The following RLBP1 variants were observed in gnomAD, a reference collection of about 807,000 sequenced individuals.
RLBP1 encodes retinaldehyde-binding protein 1.
In RLBP1, 26 loss-of-function variants were observed where a neutral mutation model predicts 36.2. That is an observed-to-expected ratio of 0.72 (90% CI 0.53 to 1.00). RLBP1 has a LOEUF of 1.00. Ranked by LOEUF, RLBP1 falls within the 50% of genes least tolerant of loss-of-function variation. RLBP1 has a pLI of 0.00. For missense variants in RLBP1, 410 were observed against 402.4 expected (o/e 1.02, Z -0.16); for synonymous variants, 155 against 156.2 (o/e 0.99, Z 0.06).
Position 89,211,749 on chromosome 15 carries a change from C to A in RLBP1, c.678G>T (p.Met226Ile), listed in dbSNP as rs1398137944. 2 of 1,613,764 alleles carry A rather than the reference C, an allele frequency of 1.2e-6. No individual in the cohort carries two copies. Among genetic ancestry groups the A allele is most frequent in the Non-Finnish European group, 1.7e-6 (2 of 1,180,016 alleles). ...RTSDLRKMVD[M>I]LQDSFPARFK... is the part of the protein sequence containing the mutation. Reference sequence around the variant, plus strand: ...ACAGAACTCTAAGCCTCACCTGGAGCATGTCCACCATCTTCCTGAGATCTG... The same window carrying A: ...ACAGAACTCTAAGCCTCACCTGGAGAATGTCCACCATCTTCCTGAGATCTG... The change falls in exon 7 of 9, where the codon ATG becomes ATT. Residue 226 changes from methionine (M) to isoleucine (I), a missense_variant. By Grantham distance (10) the Met-to-Ile change is conservative. Transcript: ENST00000268125. The surrounding 1 kb of genome is among the most constrained non-coding windows in gnomAD (Gnocchi z 5.8).
chr15:89,218,457 GA>G lies in RLBP1; in HGVS notation c.141+107del, dbSNP rs1033114778. The G allele has an allele frequency of 8.6e-6, 13 of 1,503,324 alleles. No individual in the cohort carries two copies. In the African/African-American group the frequency reaches 1.6e-4, roughly 19 times the overall value. The allele number at this position is 1,503,324 out of a possible 1,614,324, so 93.1% of individuals were successfully genotyped here. A position where few individuals can be genotyped will look rare whatever the true frequency, so the allele number is the denominator to read the frequency against. On this transcript the variant is annotated intron_variant, in intron 4 of 8. Transcript: ENST00000268125. The surrounding 1 kb of genome is among the most constrained non-coding windows in gnomAD (Gnocchi z 4.6). ...CCGGCCAGTCTATCAGGTCCAGGAT[GA>G]TCTGGAGTGCCGAGGCTGGACCCTT...
chr15:89,217,820 G>A (rs1567124129), intron 4 of RLBP1, among the ~76,000 whole-genome samples: 1 of 152,072 alleles, frequency 6.6e-6, no homozygotes. Context: ...TCAAAAACAC[G>A]GCTCTCTGGC....
chr15:89,212,952 CG>C (rs1467952225), intron 6 of RLBP1, among the ~76,000 whole-genome samples: 17 of 152,014 alleles, frequency 1.1e-4, no homozygotes, highest in African/African-American at 4.1e-4. Flanking sequence ...AGGCTGGACT[CG>C]AACTCCTGAC....
In RLBP1 at chr15:89,211,008, G is replaced by A. The variant is rs893287831; in HGVS notation, c.685-199C>T. Among the ~76,000 whole-genome samples the A allele has an allele frequency of 2.6e-5, 4 of 152,294 alleles. No homozygotes were observed. The highest frequency in any genetic ancestry group is 4.4e-5 in the Non-Finnish European group (3 of 68,028). ...TGGCTCACTGTGGCCCAGACTGCAC[G>A]GAGGAAGCCCCAAGATTCATAAGAC... On this transcript the variant is annotated intron_variant, in intron 7 of 8. Coordinates refer to ENST00000268125, the MANE Select transcript of RLBP1 (RefSeq NM_000326.5). This position sits in a 1 kb window ranked among gnomAD's most constrained non-coding sequence, Gnocchi z 5.8.
chr15:89,216,809 G>A (rs929822334), intron 5 of RLBP1, among the ~76,000 whole-genome samples: 3 of 152,190 alleles, frequency 2.0e-5, no homozygotes, highest in Non-Finnish European at 4.4e-5. Context: ...TTCTCATGGT[G>A]GGGGTCTGGA....
intron 5 of RLBP1, among the ~76,000 whole-genome samples, chr15:89,216,562 TC>T (rs1452753383): frequency 6.6e-6 from 1 of 152,202 alleles, no homozygotes; most frequent in Non-Finnish European, 1.5e-5. Flanking sequence ...CTTCAGATGA[TC>T]TGCCCGCCTT....
chr15:89,216,542 A>G (rs1383768645), intron 5 of RLBP1, among the ~76,000 whole-genome samples: 2 of 152,114 alleles, frequency 1.3e-5, no homozygotes, highest in African/African-American at 4.8e-5. Context: ...GGCTGGTCTC[A>G]AACCCCCGAC....
In RLBP1 at chr15:89,214,564, A is replaced by G. The variant is rs1185084255; in HGVS notation, c.525+496T>C. On this transcript the variant is annotated intron_variant, in intron 6 of 8. Coordinates refer to ENST00000268125, the MANE Select transcript of RLBP1 (RefSeq NM_000326.5). The surrounding 1 kb of genome is among the most constrained non-coding windows in gnomAD (Gnocchi z 4.6). ...GCGCATGCCAAAGTTCTCCCAAGAC[A>G]AACCCTAATTCCCCAACTTGGGGCA... Among the ~76,000 whole-genome samples the G allele has an allele frequency of 1.3e-5, 2 of 152,230 alleles. No homozygotes were observed. The highest frequency in any genetic ancestry group is 6.5e-5 in the Admixed American group (1 of 15,284).
chr15:89,211,820 T>A lies in RLBP1; in HGVS notation c.607A>T (p.Asn203Tyr), dbSNP rs774195998. The change falls in exon 7 of 9, where the codon AAC becomes TAC. Residue 203 changes from asparagine to tyrosine, a missense_variant. Asn to Tyr is a moderately radical substitution (Grantham distance 143). Coordinates refer to ENST00000268125, the MANE Select transcript of RLBP1 (RefSeq NM_000326.5). This position sits in a 1 kb window ranked among gnomAD's most constrained non-coding sequence, Gnocchi z 5.8. ...TQINGFCIIE[N>Y]FKGFTMQQAA... Reference sequence around the variant, plus strand: ...TGCTGCATGGTAAAGCCCTTGAAGTTCTCAATGATGCAGAAGCCATTGATT... The same window carrying A: ...TGCTGCATGGTAAAGCCCTTGAAGTACTCAATGATGCAGAAGCCATTGATT... The A allele has an allele frequency of 6.2e-7, 1 of 1,614,184 alleles. No homozygotes were observed. Among genetic ancestry groups the A allele is most frequent in the South Asian group, 1.1e-5 (1 of 91,090 alleles).
rs984816764 is a variant in RLBP1 at position 89,210,851 on chromosome 15, G to A, written c.685-42C>T. ...ATACCCCGTTCCCCATGGCCCCAGT[G>A]ACCTCAGAGGCTCCCACTCATTCCC... On this transcript the variant is annotated intron_variant, in intron 7 of 8. Coordinates refer to ENST00000268125, the MANE Select transcript of RLBP1 (RefSeq NM_000326.5). The surrounding 1 kb of genome is among the most constrained non-coding windows in gnomAD (Gnocchi z 4.7). 1.5e-6 allele frequency: 2 copies of A among 1,343,472 alleles called. No homozygotes were observed. The highest frequency in any genetic ancestry group is 2.1e-6 in the Non-Finnish European group (2 of 959,240). 83.2% of individuals were successfully genotyped at this position (1,343,472 alleles called of 1,614,324 possible).
In RLBP1 at chr15:89,215,040, C is replaced by T; in HGVS notation, c.525+20G>A. 1.2e-6 allele frequency: 2 copies of T among 1,613,904 alleles called. No homozygotes were observed. Among genetic ancestry groups the T allele is most frequent in the Non-Finnish European group, 1.7e-6 (2 of 1,179,830 alleles). On this transcript the variant is annotated intron_variant, in intron 6 of 8. Coordinates refer to ENST00000268125, the MANE Select transcript of RLBP1 (RefSeq NM_000326.5). ...GGGAACCCAGCCCACAGGGTGGGAG[C>T]CAGGCGAGCCCCCACTAACCTCATC... is the stretch of plus-strand genomic sequence containing the variant.
In RLBP1 at chr15:89,218,749, G is replaced by T. The variant is rs1003353262; in HGVS notation, c.13-56C>A. On this transcript the variant is annotated intron_variant, in intron 3 of 8. Coordinates refer to ENST00000268125, the MANE Select transcript of RLBP1 (RefSeq NM_000326.5). The surrounding 1 kb of genome is among the most constrained non-coding windows in gnomAD (Gnocchi z 4.6). ...CAACCGCATCAGCCTGAGCCAGCCA[G>T]GGAAATGGGCCTGCTCAGACCTTCA... is the stretch of plus-strand genomic sequence containing the variant. 1.2e-6 allele frequency: 2 copies of T among 1,610,406 alleles called. No individual in the cohort carries two copies. The highest frequency in any genetic ancestry group is 2.7e-5 in the African/African-American group (2 of 75,066).
chr15:89,215,267 T>A, intron 5 of RLBP1, 29 bp from the exon 6 acceptor site: 1 of 1,612,382 alleles, frequency 6.2e-7, no homozygotes, highest in Non-Finnish European at 8.5e-7. Context: ...AGGAACCCCC[T>A]CAGGGAGCCA....
chr15:89,215,919 C>A (rs2051576227), intron 5 of RLBP1, among the ~76,000 whole-genome samples: 1 of 152,236 alleles, frequency 6.6e-6, no homozygotes, highest in Non-Finnish European at 1.5e-5. Context: ...CCACAGATAT[C>A]TCATTTCCTT....
chr15:89,214,863 C>G lies in RLBP1; in HGVS notation c.525+197G>C, dbSNP rs1329133963. 1.3e-5 allele frequency among the ~76,000 whole-genome samples: 2 copies of G among 152,230 alleles called. No homozygotes were observed. Among genetic ancestry groups the G allele is most frequent in the Non-Finnish European group, 2.9e-5 (2 of 68,032 alleles). ...CCATCAAGCTCCACCTGCAAAGCTA[C>G]TGGGTTTTCCAGCTGCCCTGGCACA... On this transcript the variant is annotated intron_variant, in intron 6 of 8. Coordinates refer to ENST00000268125, the MANE Select transcript of RLBP1 (RefSeq NM_000326.5). The surrounding 1 kb of genome is among the most constrained non-coding windows in gnomAD (Gnocchi z 4.6).
chr15:89,216,382 G>A (rs1156399996), intron 5 of RLBP1, among the ~76,000 whole-genome samples: 1 of 151,984 alleles, frequency 6.6e-6, no homozygotes, highest in East Asian at 1.9e-4. Flanking sequence ...GAGTGCAATG[G>A]CACGATCTCA....
chr15:89,219,270 G>C (rs1055767033), intron 2 of RLBP1, among the ~76,000 whole-genome samples, 195 bp from the exon 3 acceptor site: 10 of 152,224 alleles, frequency 6.6e-5, no homozygotes, highest in Non-Finnish European at 1.5e-4. Flanking sequence ...GGCTCTGAGG[G>C]AGATGGTTCT....
chr15:89,210,379 G>C lies in RLBP1; in HGVS notation c.860C>G (p.Ser287Cys). 2 of 1,614,268 alleles carry C rather than the reference G, an allele frequency of 1.2e-6. No homozygotes were observed. The highest frequency in any genetic ancestry group is 1.1e-5 in the South Asian group (1 of 91,088). The change falls in exon 9 of 9, where the codon TCT (serine) becomes TGT (cysteine). Residue 287 changes from serine to cysteine, a missense_variant. By Grantham distance (112) the Ser-to-Cys change is moderately radical. Transcript: ENST00000268125. The surrounding 1 kb of genome is among the most constrained non-coding windows in gnomAD (Gnocchi z 4.7). ...CTTGGGCAGCGTGCCCCCGAAGTCA[G>C]AGGGCAGGATGTTCTCATCGATCTC... ...YQEIDENILPSDFGGTLPKYD... is the reference protein window; with the variant it reads ...YQEIDENILPCDFGGTLPKYD...
chr15:89,214,927 G>T lies in RLBP1; in HGVS notation c.525+133C>A. 5.6e-6 allele frequency: 5 copies of T among 888,836 alleles called. No homozygotes were observed. The highest frequency in any genetic ancestry group is 1.4e-5 in the South Asian group (1 of 70,420). 55.1% of individuals were successfully genotyped at this position (888,836 alleles called of 1,614,324 possible). On this transcript the variant is annotated intron_variant, in intron 6 of 8. Transcript: ENST00000268125. The surrounding 1 kb of genome is among the most constrained non-coding windows in gnomAD (Gnocchi z 4.6). The stretch of plus-strand genomic sequence containing the variant: ...CTCCCTGCCTGGAAAGGGCTAGGTG[G>T]CAGGTGGCTGCCCACCTTTCCCCCT...
Sources: gnomAD v4.1 joint callset for allele counts (sites outside exome capture counted in the v4.1 genomes callset) on GRCh38, gnomAD v4.1.1 for gene constraint, Gnocchi (gnomAD v3.1) non-coding constraint, MANE v1.5 for transcripts, NCBI Gene and HGNC (gene_info 2026-07-23, HGNC 2026-07-21) for gene names.